The following MGAT5B variants were observed in gnomAD, a reference collection of about 807,000 sequenced individuals.
MGAT5B encodes alpha-1,6-mannosylglycoprotein 6-beta-N-acetylglucosaminyltransferase B.
In MGAT5B, 54 loss-of-function variants were observed where a neutral mutation model predicts 95.1. That is an observed-to-expected ratio of 0.57 (90% CI 0.46 to 0.71). The LOEUF (loss-of-function observed/expected upper bound fraction) is 0.71. Among genes scored for constraint, MGAT5B ranks in the 30% least tolerant of loss-of-function variants. The pLI, the probability that MGAT5B is intolerant of heterozygous loss-of-function variation, is 0.00. For synonymous variants in MGAT5B, 464 were observed against 451.0 expected (o/e 1.03, Z -0.36); for missense variants, 935 against 1,088.6 (o/e 0.86, Z 1.99).
Position 76,911,713 on chromosome 17 carries a change from C to T in MGAT5B, c.1025+5526C>T, listed in dbSNP as rs560490127. On this transcript the variant is annotated intron_variant, in intron 8 of 17. Coordinates refer to ENST00000569840, the MANE Select transcript of MGAT5B (RefSeq NM_001199172.2). ...TCCCAGGCACATTCCCTGCTGGGGC[C>T]TCTCTGATACATAAATGCAGGCCTT... Among the ~76,000 whole-genome samples, 366 of 152,342 alleles carry T rather than the reference C, an allele frequency of 2.4e-3. 3 individuals carry two copies. The highest frequency in any genetic ancestry group is 8.3e-3 in the African/African-American group (347 of 41,574).
At chr17:76,897,321 A>G (rs1461526058) in intron 3 of MGAT5B, among the ~76,000 whole-genome samples, 1 of 152,094 alleles carries the variant, frequency 6.6e-6, no homozygotes, top group Non-Finnish European at 1.5e-5. Flanking sequence ...CACAAACCAG[A>G]TGTCTTAAAC....
chr17:76,924,581 GACAA>G (rs1178128129), intron 8 of MGAT5B, among the ~76,000 whole-genome samples: 2 of 147,962 alleles, frequency 1.4e-5, no homozygotes, highest in African/African-American at 5.3e-5. Flanking sequence ...CCCTCATCCA[GACAA>G]ACACGTAGCT....
rs140999399 is a variant in MGAT5B at position 76,926,662 on chromosome 17, C to T, written c.1223C>T (p.Thr408Met). 3.8e-4 allele frequency: 615 copies of T among 1,612,706 alleles called. 3 individuals carry two copies. Among genetic ancestry groups the T allele is most frequent in the South Asian group, 1.5e-3 (134 of 91,088 alleles). The change falls in exon 10 of 18, where the codon ACG becomes ATG. Residue 408 changes from threonine to methionine, a missense_variant. Around this residue, in one of 4 missense-constraint regions of MGAT5B, gnomAD observed 9 missense variants for 31.1 expected, o/e 0.29. Coordinates refer to ENST00000569840, the MANE Select transcript of MGAT5B (RefSeq NM_001199172.2). ...GCGTACAACCACGAGGAGTACGCCA[C>T]GCTGCACGGCTACCGGACCAACTGG... The part of the protein sequence containing the change: ...EPAYNHEEYA[T>M]LHGYRTNWGY...
chr17:76,915,588 C>T lies in MGAT5B; in HGVS notation c.1026-9378C>T, dbSNP rs759719910. Among the ~76,000 whole-genome samples the T allele has an allele frequency of 9.9e-5, 15 of 152,108 alleles. No homozygotes were observed. The highest frequency in any genetic ancestry group is 2.1e-4 in the Non-Finnish European group (14 of 68,032). ...AGGCTGGGAAGTGGGCGCATTGGAG[C>T]ATTATATGATTTTCTATAATTTTCT... On this transcript the variant is annotated intron_variant, in intron 8 of 17. Transcript: ENST00000569840. This position sits in a 1 kb window ranked among gnomAD's most constrained non-coding sequence, Gnocchi z 8.7.
rs1483062271 is a variant in MGAT5B, at chr17:76,926,609, G to A, written c.1170G>A (p.Arg390=). 1 of 1,611,904 alleles carries A rather than the reference G, an allele frequency of 6.2e-7. No homozygotes were observed. The change falls in exon 10 of 18, where the codon AGG becomes AGA. Residue 390 remains arginine, a synonymous_variant. Coordinates refer to ENST00000569840, the MANE Select transcript of MGAT5B (RefSeq NM_001199172.2). ...CCTGGGGGGGCAGGTGCCGAATCAGGGTCATCGACACCTTCGGGACGGAAC... is the reference window on the plus strand; with the variant it reads ...CCTGGGGGGGCAGGTGCCGAATCAGAGTCATCGACACCTTCGGGACGGAAC... ...LSFKKYRCRI[R]VIDTFGTEPA... is the part of the protein sequence containing the mutation.
intron 8 of MGAT5B, 67 bp from the exon 9 acceptor site, chr17:76,924,899 G>A: frequency 6.3e-7 from 1 of 1,590,196 alleles, no homozygotes; most frequent in East Asian, 2.2e-5. Context: ...GGGCTCTAAG[G>A]AACTGGGGTG....
At chr17:76,913,867 T>C (rs1450892191) in intron 8 of MGAT5B, 1 of 445,604 alleles carries the variant, frequency 2.2e-6, no homozygotes, top group Admixed American at 2.4e-5. Context: ...TCCCAGCACT[T>C]TGGGAGGTCA....
Position 76,882,135 on chromosome 17 carries a change from C to T in MGAT5B, c.182-16C>T. 1 of 1,602,198 alleles carries T rather than the reference C, an allele frequency of 6.2e-7. No homozygotes were observed. The highest frequency in any genetic ancestry group is 8.5e-7 in the Non-Finnish European group (1 of 1,172,676). Reference sequence around the variant, plus strand: ...TGCTCGGGCCTCCCCTAACCATACCCACACTCTGCCCACAGTGATGGGGGG... The same window carrying T: ...TGCTCGGGCCTCCCCTAACCATACCTACACTCTGCCCACAGTGATGGGGGG... On this transcript the variant is annotated splice_polypyrimidine_tract_variant and intron_variant, in intron 2 of 17. Coordinates refer to ENST00000569840, the MANE Select transcript of MGAT5B (RefSeq NM_001199172.2).
chr17:76,898,573 G>A (rs1437620607), intron 3 of MGAT5B, among the ~76,000 whole-genome samples: 2 of 152,104 alleles, frequency 1.3e-5, no homozygotes, highest in African/African-American at 4.8e-5. Flanking sequence ...AAAGTGCTGG[G>A]ATTACAGGCG....
intron 2 of MGAT5B, among the ~76,000 whole-genome samples, chr17:76,875,659 T>TTTTTTTTTC: frequency 9.0e-6 from 1 of 111,258 alleles, no homozygotes; most frequent in African/African-American, 3.2e-5. Context: ...TGCACTTTTT[T>TTTTTTTTTC]TTTTTTTTTT....
chr17:76,946,874 C>A (rs1185377332), intron 16 of MGAT5B, among the ~76,000 whole-genome samples: 2 of 152,240 alleles, frequency 1.3e-5, no homozygotes, highest in Admixed American at 6.5e-5. Context: ...CCTGAGAAAC[C>A]AGGGGACAGC....
At chr17:76,880,964 T>C (rs1438099138) in intron 2 of MGAT5B, among the ~76,000 whole-genome samples, 1 of 152,202 alleles carries the variant, frequency 6.6e-6, no homozygotes, top group Non-Finnish European at 1.5e-5. Context: ...GCCCCTGGAC[T>C]GGCAGCCTGG....
At chr17:76,926,864 AG>A in intron 10 of MGAT5B, 134 bp downstream of exon 10, 2 of 1,090,496 alleles carry the variant, frequency 1.8e-6, no homozygotes, top group Non-Finnish European at 2.7e-6. Flanking sequence ...GGACCCAGCA[AG>A]CATCGCCTTC....
intron 3 of MGAT5B, among the ~76,000 whole-genome samples, chr17:76,897,662 T>TTTCTTTCTTTCTTTCTTTCC (rs1968115384): frequency 2.6e-5 from 1 of 38,492 alleles, no homozygotes; most frequent in South Asian, 1.1e-3. Context: ...GTAAGGCCAC[T>TTTCTTTCTTTCTTTCTTTCC]TTCTTTCTTT....
intron 12 of MGAT5B, among the ~76,000 whole-genome samples, chr17:76,935,343 AACAT>A (rs1303848521): frequency 7.4e-6 from 1 of 136,042 alleles, no homozygotes; most frequent in African/African-American, 2.7e-5. Flanking sequence ...TTTTTGTAGA[AACAT>A]ATGCTTTCAT....
intron 2 of MGAT5B, 143 bp downstream of exon 2, chr17:76,873,106 G>T (rs141363495): frequency 1.1e-6 from 1 of 884,648 alleles, no homozygotes; most frequent in Admixed American, 2.5e-5. Context: ...GGCTTGGGCC[G>T]TATGACCCTC....
intron 3 of MGAT5B, 74 bp downstream of exon 3, chr17:76,882,372 C>A: frequency 6.7e-7 from 1 of 1,492,344 alleles, no homozygotes; most frequent in Non-Finnish European, 9.0e-7. Context: ...GGGTGCTGTC[C>A]GTCATCTCCT....
intron 13 of MGAT5B, among the ~76,000 whole-genome samples, chr17:76,939,034 GT>G (rs1465549249): frequency 1.8e-4 from 18 of 100,692 alleles, no homozygotes; most frequent in Admixed American, 4.8e-4. Context: ...TTGGGGGTGT[GT>G]GTGTGTGTGT....
Position 76,948,843 on chromosome 17 carries a change from G to C in MGAT5B, c.*5G>C, listed in dbSNP as rs376365445. ...TTGTGCCAGGGCTGTCTGTGAATCC[G>C]CCTCTGCCGCCCTGCCTGGCACCCA... On this transcript the variant is annotated 3_prime_UTR_variant, in exon 18 of 18. Coordinates refer to ENST00000569840, the MANE Select transcript of MGAT5B (RefSeq NM_001199172.2). 1.8e-5 allele frequency: 29 copies of C among 1,578,212 alleles called. No individual in the cohort carries two copies. In the East Asian group the frequency reaches 4.8e-4, roughly 26 times the overall value.
Sources: gnomAD v4.1 joint callset for allele counts (sites outside exome capture counted in the v4.1 genomes callset) on GRCh38, gnomAD v4.1.1 for gene constraint, gnomAD v4.1.1 regional missense constraint, Gnocchi (gnomAD v3.1) non-coding constraint, MANE v1.5 for transcripts, NCBI Gene and HGNC (gene_info 2026-07-23, HGNC 2026-07-21) for gene names.